SAMSN1: variants seen among roughly 807,000 people sequenced by gnomAD.
The protein encoded by SAMSN1 is SAM domain-containing protein SAMSN-1.
Under a neutral mutation model 42.0 loss-of-function variants are expected in SAMSN1, and 31 were observed. That is an observed-to-expected ratio of 0.74 (90% CI 0.55 to 1.00). SAMSN1 has a LOEUF of 1.00. SAMSN1 is among the 50% of genes least tolerant of loss of function. The pLI, the probability that SAMSN1 is intolerant of heterozygous loss-of-function variation, is 0.00. For missense variants in SAMSN1, 464 were observed against 439.4 expected, an observed-to-expected ratio of 1.06 and a Z score of -0.50; for synonymous variants, 178 against 151.9, an observed-to-expected ratio of 1.17 and a Z score of -1.26.
intron 3 of SAMSN1, among the ~76,000 whole-genome samples, chr21:14,513,733 G>C (rs1490477583): frequency 6.6e-6 from 1 of 152,128 alleles, no homozygotes; most frequent in South Asian, 2.1e-4. Context: ...TTGACCTAAA[G>C]GATAAGAAGA....
chr21:14,548,858 A>G (rs1346288106), upstream of SAMSN1, among the ~76,000 whole-genome samples: 1 of 152,134 alleles, frequency 6.6e-6, no homozygotes, highest in Non-Finnish European at 1.5e-5. Flanking sequence ...CAGAACAAGA[A>G]TGAAGCAGAG....
At chr21:14,647,104 C>G (rs188868830) in intron 1 of SAMSN1, among the ~76,000 whole-genome samples, 3 of 152,200 alleles carry the variant, frequency 2.0e-5, no homozygotes, top group Admixed American at 2.0e-4. Context: ...ACTAAAATCT[C>G]CAATCAAAAG....
At chr21:14,599,990 C>T (rs1982386048) in intron 6 of SAMSN1, among the ~76,000 whole-genome samples, 2 of 152,082 alleles carry the variant, frequency 1.3e-5, no homozygotes, top group African/African-American at 2.4e-5. Flanking sequence ...CATAAAAATA[C>T]CACTTCCTAG....
At chr21:14,486,555 T>C (rs956227088) in intron 7 of SAMSN1, among the ~76,000 whole-genome samples, 4 of 152,188 alleles carry the variant, frequency 2.6e-5, no homozygotes, top group African/African-American at 9.7e-5. Context: ...GTGAACAATT[T>C]TAGATTCATG....
chr21:14,544,303 G>A lies in SAMSN1; in HGVS notation c.57+1902C>T, dbSNP rs79508038. On this transcript the variant is annotated intron_variant, in intron 1 of 7. Coordinates refer to ENST00000400566, the MANE Select transcript of SAMSN1 (RefSeq NM_022136.5). ...TGAACTCAAGTGATTTACGCACCTC[G>A]GCCCTGCAAAGTGCTGGAACTACAG... Among the ~76,000 whole-genome samples, 435 of 152,216 alleles carry A rather than the reference G, an allele frequency of 2.9e-3. 3 individuals are homozygous for A. The highest frequency in any genetic ancestry group is 0.01 in the African/African-American group (423 of 41,540).
intron 2 of SAMSN1, among the ~76,000 whole-genome samples, chr21:14,630,319 G>A (rs1027060148): frequency 1.3e-5 from 2 of 151,892 alleles, no homozygotes; most frequent in African/African-American, 4.8e-5. Flanking sequence ...TCGGTCCAAT[G>A]TCAGTAGTGA....
chr21:14,579,066 C>T (rs1390719811), intron 2 of SAMSN1, among the ~76,000 whole-genome samples: 1 of 152,076 alleles, frequency 6.6e-6, no homozygotes, highest in Non-Finnish European at 1.5e-5. Context: ...GGATATTTTT[C>T]ACTTGTTGTT....
chr21:14,642,157 A>G (rs1404589391), intron 2 of SAMSN1, among the ~76,000 whole-genome samples: 1 of 152,288 alleles, frequency 6.6e-6, no homozygotes, highest in East Asian at 1.9e-4. Flanking sequence ...GCGAAAGAAA[A>G]TCTGTGTATA....
At chr21:14,578,777 A>G (rs925850746) in intron 2 of SAMSN1, among the ~76,000 whole-genome samples, 1 of 148,936 alleles carries the variant, frequency 6.7e-6, no homozygotes, top group African/African-American at 2.5e-5. Context: ...GATTAGATTC[A>G]TTTCCCATGA....
chr21:14,586,732 ACTAAAG>A (rs1452197141), upstream of SAMSN1, among the ~76,000 whole-genome samples: 1 of 152,204 alleles, frequency 6.6e-6, no homozygotes, highest in African/African-American at 2.4e-5. Flanking sequence ...CACTGAAGAT[ACTAAAG>A]CTGAGGCCTG....
At chr21:14,628,225 C>T (rs1297039423) in intron 2 of SAMSN1, among the ~76,000 whole-genome samples, 1 of 151,978 alleles carries the variant, frequency 6.6e-6, no homozygotes, top group East Asian at 1.9e-4. Context: ...TTCCATAGAA[C>T]TATAGGATGA....
intron 3 of SAMSN1, among the ~76,000 whole-genome samples, chr21:14,615,632 T>C (rs1982814845): frequency 6.6e-6 from 1 of 152,184 alleles, no homozygotes; most frequent in Admixed American, 6.6e-5. Context: ...AAACACATTT[T>C]TATGTGGATT....
intron 2 of SAMSN1, among the ~76,000 whole-genome samples, chr21:14,554,418 A>T (rs191675441): frequency 6.6e-6 from 1 of 152,278 alleles, no homozygotes; most frequent in Non-Finnish European, 1.5e-5. Flanking sequence ...GATAGTAACA[A>T]GCAAATACTT....
chr21:14,601,607 T>C (rs1982434387), intron 6 of SAMSN1, among the ~76,000 whole-genome samples: 1 of 152,208 alleles, frequency 6.6e-6, no homozygotes, highest in Non-Finnish European at 1.5e-5. Context: ...CTATTATTAG[T>C]GAGGCCAAAC....
upstream of SAMSN1, among the ~76,000 whole-genome samples, chr21:14,547,779 C>G (rs978537743): frequency 3.3e-5 from 5 of 152,114 alleles, no homozygotes; most frequent in Admixed American, 3.3e-4. Context: ...CTATTATGTG[C>G]AATTTGACAA....
At chr21:14,508,433 T>A (rs1207704525) in intron 5 of SAMSN1, among the ~76,000 whole-genome samples, 2 of 151,906 alleles carry the variant, frequency 1.3e-5, no homozygotes, top group Admixed American at 1.3e-4. Flanking sequence ...GATACACAAA[T>A]GGCCAACAAA....
chr21:14,612,105 C>T (rs373310301), intron 4 of SAMSN1, among the ~76,000 whole-genome samples: 98 of 152,208 alleles, frequency 6.4e-4, no homozygotes, highest in African/African-American at 1.9e-3. Flanking sequence ...TGATGGCACG[C>T]GCCTGTAGTC....
At chr21:14,501,076 A>G (rs746462748) in intron 5 of SAMSN1, among the ~76,000 whole-genome samples, 9 of 152,112 alleles carry the variant, frequency 5.9e-5, no homozygotes, top group Non-Finnish European at 1.2e-4. Context: ...GGAGGAGTTC[A>G]AAGCTGCAGT....
At chr21:14,656,524 C>T (rs1013505486) in intron 1 of SAMSN1, among the ~76,000 whole-genome samples, 2 of 151,650 alleles carry the variant, frequency 1.3e-5, no homozygotes, top group South Asian at 2.1e-4. Context: ...AATCACTGTG[C>T]CTCAAATGAG....
Sources: gnomAD v4.1 joint callset for allele counts (sites outside exome capture counted in the v4.1 genomes callset) on GRCh38, gnomAD v4.1.1 for gene constraint, MANE v1.5 for transcripts, NCBI Gene and HGNC (gene_info 2026-07-23, HGNC 2026-07-21) for gene names.